The following CDH13 variants were observed in gnomAD, a reference collection of about 807,000 sequenced individuals.
CDH13 encodes cadherin 13.
CDH13 carries 24 observed loss-of-function variants against 63.8 expected under a neutral mutation model. The observed-to-expected ratio is 0.38, with a 90% CI of 0.27 to 0.53. CDH13 has a LOEUF of 0.53. Ranked by LOEUF, CDH13 falls within the 20% of genes least tolerant of loss-of-function variation. The probability of loss-of-function intolerance (pLI) is 0.85; values close to 1 mark genes in which losing one functional copy is unlikely to be tolerated. For synonymous variants in CDH13, 503 were observed against 355.3 expected (o/e 1.42, Z -4.67); for missense variants, 1,049 against 903.1 (o/e 1.16, Z -2.07).
At chr16:83,578,927 T>C (rs1367388926) in intron 7 of CDH13, among the ~76,000 whole-genome samples, 1 of 152,236 alleles carries the variant, frequency 6.6e-6, no homozygotes, top group Non-Finnish European at 1.5e-5. Flanking sequence ...TAAAGTCCTA[T>C]GTGCAGGTAG....
intron 1 of CDH13, among the ~76,000 whole-genome samples, chr16:82,766,257 T>C (rs185978936): frequency 4.8e-4 from 73 of 152,260 alleles, no homozygotes; most frequent in African/African-American, 1.7e-3. Context: ...AGAATTTAGG[T>C]CAAGATGCAC....
chr16:83,321,103 T>G (rs1174083571), intron 5 of CDH13, among the ~76,000 whole-genome samples: 2 of 152,312 alleles, frequency 1.3e-5, no homozygotes, highest in African/African-American at 4.8e-5. Context: ...AGAAGGAGAT[T>G]GAAATTAAGG....
intron 5 of CDH13, among the ~76,000 whole-genome samples, chr16:83,244,056 A>C (rs1443960389): frequency 6.6e-6 from 1 of 152,038 alleles, no homozygotes; most frequent in Non-Finnish European, 1.5e-5. Flanking sequence ...TCTGCCACCA[A>C]AATTAGAAAC....
chr16:83,510,639 A>G (rs999794213), intron 7 of CDH13, among the ~76,000 whole-genome samples: 3 of 152,070 alleles, frequency 2.0e-5, no homozygotes, highest in African/African-American at 7.2e-5. Flanking sequence ...AGGGATCAAG[A>G]CTCAAAGCTG....
At chr16:83,600,999 C>G (rs1431141062) in intron 7 of CDH13, among the ~76,000 whole-genome samples, 4 of 152,126 alleles carry the variant, frequency 2.6e-5, no homozygotes, top group Non-Finnish European at 5.9e-5. Context: ...CAAATGCTTC[C>G]AGGTCCACAC....
At chr16:83,327,109 A>G (rs2090381201) in intron 5 of CDH13, among the ~76,000 whole-genome samples, 2 of 152,222 alleles carry the variant, frequency 1.3e-5, no homozygotes, top group South Asian at 4.1e-4. Flanking sequence ...AAAGGCAGGG[A>G]CAGATGGAAT....
chr16:83,512,645 G>A (rs960872886), intron 7 of CDH13, among the ~76,000 whole-genome samples: 1 of 149,300 alleles, frequency 6.7e-6, no homozygotes, highest in Non-Finnish European at 1.5e-5. Context: ...TCCAGCCTTG[G>A]CAACAGAGTG....
rs567212990 is a variant in CDH13, at chr16:83,420,931, C to T, written c.782-65546C>T. ...TCTAGCAGGGGAAAAAGAAGTAAGA[C>T]GGAAGACCCAGCAAGCAAGGTTATC... is the stretch of plus-strand genomic sequence containing the variant. On this transcript the variant is annotated intron_variant, in intron 6 of 13. Transcript: ENST00000567109. Among the ~76,000 whole-genome samples the T allele has an allele frequency of 3.0e-4, 46 of 152,256 alleles. 1 individual carries two copies. The South Asian group carries it at 8.9e-3, about 30-fold the overall frequency.
chr16:82,938,958 C>A (rs1436951509), intron 2 of CDH13, among the ~76,000 whole-genome samples: 1 of 152,140 alleles, frequency 6.6e-6, no homozygotes, highest in Non-Finnish European at 1.5e-5. Context: ...ATCACACCTG[C>A]CACATACACA....
At chr16:82,782,055 G>T (rs1293372474) in intron 1 of CDH13, among the ~76,000 whole-genome samples, 1 of 152,212 alleles carries the variant, frequency 6.6e-6, no homozygotes, top group African/African-American at 2.4e-5. Flanking sequence ...TTAAGTAGCT[G>T]ATGAATATTC....
intron 5 of CDH13, among the ~76,000 whole-genome samples, chr16:83,331,139 G>A (rs895703242): frequency 2.0e-5 from 3 of 152,146 alleles, no homozygotes; most frequent in African/African-American, 7.2e-5. Flanking sequence ...ACGGACTTGG[G>A]CCTTAAAGTA....
chr16:83,677,195 G>C (rs998052364), intron 9 of CDH13, among the ~76,000 whole-genome samples: 1 of 152,218 alleles, frequency 6.6e-6, no homozygotes, highest in South Asian at 2.1e-4. Flanking sequence ...TGCTCTCGTG[G>C]TTGGGAAAGA....
intron 1 of CDH13, among the ~76,000 whole-genome samples, chr16:82,786,502 G>C (rs1476793950): frequency 1.4e-5 from 2 of 142,584 alleles, no homozygotes; most frequent in African/African-American, 5.3e-5. Flanking sequence ...TCTTTTGTGT[G>C]TGTGTGTGTG....
At chr16:83,503,986 G>A (rs766568923) in intron 7 of CDH13, among the ~76,000 whole-genome samples, 27 of 152,058 alleles carry the variant, frequency 1.8e-4, no homozygotes, top group Non-Finnish European at 2.2e-4. Flanking sequence ...GACAGCATTA[G>A]GACAGATGCC....
At chr16:83,282,993 T>A (rs1223051949) in intron 5 of CDH13, among the ~76,000 whole-genome samples, 1 of 152,236 alleles carries the variant, frequency 6.6e-6, no homozygotes, top group Non-Finnish European at 1.5e-5. Context: ...ATTAATTCTG[T>A]TCTTCACTCC....
intron 7 of CDH13, among the ~76,000 whole-genome samples, chr16:83,583,994 C>T (rs1220678350): frequency 6.6e-6 from 1 of 152,052 alleles, no homozygotes; most frequent in Admixed American, 6.6e-5. Flanking sequence ...AAAGTCCTTG[C>T]TGTTTTCACT....
intron 6 of CDH13, among the ~76,000 whole-genome samples, chr16:83,384,996 C>G (rs988764951): frequency 3.3e-5 from 5 of 152,206 alleles, no homozygotes; most frequent in African/African-American, 1.2e-4. Context: ...GGCCCTCTTT[C>G]AAACAAAGAT....
intron 4 of CDH13, among the ~76,000 whole-genome samples, chr16:83,184,744 G>A (rs1330031586): frequency 6.6e-6 from 1 of 152,150 alleles, no homozygotes; most frequent in Non-Finnish European, 1.5e-5. Context: ...AACAGAGCGA[G>A]ACTCCATCTC....
intron 10 of CDH13, among the ~76,000 whole-genome samples, chr16:83,706,584 A>G (rs1907092962): frequency 6.6e-6 from 1 of 152,210 alleles, no homozygotes. Context: ...TGTTATTTGT[A>G]AAATGACTGT....
Sources: gnomAD v4.1 joint callset for allele counts (sites outside exome capture counted in the v4.1 genomes callset) on GRCh38, gnomAD v4.1.1 for gene constraint, MANE v1.5 for transcripts, NCBI Gene and HGNC (gene_info 2026-07-23, HGNC 2026-07-21) for gene names.